Variants in CALR3 observed in about 807,000 individuals in gnomAD.
CALR3 encodes the protein calreticulin 3, also known as calreticulin-3.
CALR3 carries 39 observed loss-of-function variants against 48.7 expected under a neutral mutation model. That is an observed-to-expected ratio of 0.80 (90% CI 0.62 to 1.05). The LOEUF is 1.05. Among genes scored for constraint, CALR3 ranks in the 50% least tolerant of loss-of-function variants. The pLI is 0.00. For synonymous variants in CALR3, 185 were observed against 172.7 expected (o/e 1.07, Z -0.56); for missense variants, 449 against 474.7 (o/e 0.95, Z 0.50).
At chr19:16,486,246 G>A (rs1053061534) in intron 3 of CALR3, among the ~76,000 whole-genome samples, 1 of 151,848 alleles carries the variant, frequency 6.6e-6, no homozygotes, top group African/African-American at 2.4e-5. Flanking sequence ...AACCCAGGAA[G>A]TGGAGGTTGC....
rs772011736 is a variant in CALR3, at chr19:16,479,276, T to A, written c.1012-2A>T. On this transcript the variant is annotated splice_acceptor_variant, in intron 8 of 8. Transcript: ENST00000269881. LOFTEE classifies it high-confidence loss of function. The stretch of plus-strand genomic sequence containing the variant: ...GGCATCCATCTCCCTTTCTGGACCC[T>A]GGAGAAAGAAAGAAAAAACATAAGC... The A allele has an allele frequency of 6.2e-7, 1 of 1,613,860 alleles. No homozygotes were observed. The highest frequency in any genetic ancestry group is 1.7e-5 in the Admixed American group (1 of 59,976).
At chr19:16,486,436 A>G (rs1476794961) in intron 3 of CALR3, among the ~76,000 whole-genome samples, 2 of 151,976 alleles carry the variant, frequency 1.3e-5, no homozygotes, top group Admixed American at 1.3e-4. Flanking sequence ...CCTGACTAAC[A>G]TGGTGAAACC....
At chr19:16,486,268 A>AT (rs1236055180) in intron 3 of CALR3, among the ~76,000 whole-genome samples, 3 of 151,544 alleles carry the variant, frequency 2.0e-5, no homozygotes, top group African/African-American at 7.3e-5. Context: ...GTGAGCTGAG[A>AT]TCGGGCCACT....
chr19:16,482,737 A>G lies in CALR3; in HGVS notation c.727T>C (p.Trp243Arg). The change falls in exon 6 of 9, where the codon TGG (tryptophan) becomes CGG (arginine). Residue 243 changes from tryptophan (W) to arginine (R), a missense_variant. Coordinates refer to ENST00000269881, the MANE Select transcript of CALR3 (RefSeq NM_145046.5). ...LDASTSKQSD[W>R]NGDLDGDWPA... is the part of the protein sequence containing the mutation. ...CAGTCCCCATCCAGGTCACCGTTCCAGTCGCTCTGCTTGCTGGTGCTGGCG... is the reference window on the plus strand; with the variant it reads ...CAGTCCCCATCCAGGTCACCGTTCCGGTCGCTCTGCTTGCTGGTGCTGGCG... The G allele has an allele frequency of 6.2e-7, 1 of 1,613,914 alleles. No homozygotes were observed. The highest frequency in any genetic ancestry group is 8.5e-7 in the Non-Finnish European group (1 of 1,179,970).
At chr19:16,486,449 A>G (rs1490794489) in intron 3 of CALR3, among the ~76,000 whole-genome samples, 1 of 151,732 alleles carries the variant, frequency 6.6e-6, no homozygotes, top group African/African-American at 2.4e-5. Context: ...GTGAAACCCC[A>G]CCTCTACTAA....
rs1474176745 is a variant in CALR3 at position 16,495,744 on chromosome 19, C to CA, written c.193+6dup. On this transcript the variant is annotated splice_region_variant and intron_variant, in intron 2 of 8. Coordinates refer to ENST00000269881, the MANE Select transcript of CALR3 (RefSeq NM_145046.5). ...TAGGCTCAATTTGGTCCTGATTCTACACTAACCTTTATCTTTCTCTTTATG... is the reference window on the plus strand; with the variant it reads ...TAGGCTCAATTTGGTCCTGATTCTACAACTAACCTTTATCTTTCTCTTTATG... 3 of 1,608,724 alleles carry CA rather than the reference C, an allele frequency of 1.9e-6. No individual in the cohort carries two copies. The highest frequency in any genetic ancestry group is 2.6e-6 in the Non-Finnish European group (3 of 1,175,060).
rs2093383294 is a variant in CALR3 at position 16,482,842 on chromosome 19, T to C, written c.679-57A>G. 7.4e-6 allele frequency: 11 copies of C among 1,491,508 alleles called. No individual in the cohort carries two copies. The East Asian group carries it at 2.7e-4, about 36-fold the overall frequency. The allele number at this position is 1,491,508 out of a possible 1,614,324, so 92.4% of individuals were successfully genotyped here. A position where few individuals can be genotyped will look rare whatever the true frequency, so the allele number is the denominator to read the frequency against. On this transcript the variant is annotated intron_variant, in intron 5 of 8. Coordinates refer to ENST00000269881, the MANE Select transcript of CALR3 (RefSeq NM_145046.5). ...AGTCAGATGCTCATATATTTGTTGT[T>C]GTTGCTTCTGTTTTTGTTTCTTGAG... is the stretch of plus-strand genomic sequence containing the variant.
intron 8 of CALR3, among the ~76,000 whole-genome samples, chr19:16,479,566 C>T (rs1165032840): frequency 2.1e-5 from 3 of 145,812 alleles, no homozygotes; most frequent in Admixed American, 6.9e-5. Flanking sequence ...CCATCCTGGG[C>T]GACAGAGCAA....
intron 8 of CALR3, among the ~76,000 whole-genome samples, chr19:16,480,200 CAAAAAAAAA>C (rs57759885): frequency 2.8e-5 from 2 of 70,802 alleles, no homozygotes; most frequent in Admixed American, 1.6e-4. Flanking sequence ...GACTCCGTCT[CAAAAAAAAA>C]AAAAAAAAAA....
chr19:16,483,897 C>T, intron 5 of CALR3, 33 bp downstream of exon 5: 5 of 1,607,094 alleles, frequency 3.1e-6, no homozygotes, highest in Non-Finnish European at 4.3e-6. Flanking sequence ...TACATTTGTG[C>T]ACTTTTTAGA....
intron 3 of CALR3, among the ~76,000 whole-genome samples, chr19:16,488,506 G>T (rs2093392609): frequency 6.6e-6 from 1 of 152,094 alleles, no homozygotes; most frequent in South Asian, 2.1e-4. Flanking sequence ...CCAGGTTCAA[G>T]CAATTCTCCT....
At chr19:16,481,055 G>A (rs2093379934) in intron 7 of CALR3, among the ~76,000 whole-genome samples, 1 of 152,126 alleles carries the variant, frequency 6.6e-6, no homozygotes, top group African/African-American at 2.4e-5. Flanking sequence ...TTGGGAGGCT[G>A]AGGTGGGAGG....
chr19:16,491,561 G>C (rs541965418), intron 2 of CALR3, among the ~76,000 whole-genome samples: 1 of 151,060 alleles, frequency 6.6e-6, no homozygotes, highest in Non-Finnish European at 1.5e-5. Context: ...GGCGGATCAC[G>C]GGGTCAGGAG....
At chr19:16,489,989 TCA>T (rs2093395310) in intron 3 of CALR3, among the ~76,000 whole-genome samples, 2 of 152,286 alleles carry the variant, frequency 1.3e-5, no homozygotes, top group African/African-American at 4.8e-5. Context: ...ATTGTGGATT[TCA>T]GATTTTTCAG....
intron 3 of CALR3, among the ~76,000 whole-genome samples, chr19:16,488,339 T>A (rs541574541): frequency 2.3e-4 from 35 of 152,190 alleles, no homozygotes; most frequent in African/African-American, 7.7e-4. Context: ...CTGCCTGGCC[T>A]CCCAAAAGTG....
rs907087344 is a variant in CALR3 at position 16,495,905 on chromosome 19, C to T, written c.92-53G>A. The T allele has an allele frequency of 5.7e-6, 9 of 1,591,758 alleles. No homozygotes were observed. In the African/African-American group the frequency reaches 1.2e-4, roughly 21 times the overall value. ...TAGAGGTGATAATGGTTAATTTGGGCTAAGGGAAGGGTGAAGGGGACCCTC... is the reference window on the plus strand; with the variant it reads ...TAGAGGTGATAATGGTTAATTTGGGTTAAGGGAAGGGTGAAGGGGACCCTC... On this transcript the variant is annotated intron_variant, in intron 1 of 8. Coordinates refer to ENST00000269881, the MANE Select transcript of CALR3 (RefSeq NM_145046.5).
intron 2 of CALR3, among the ~76,000 whole-genome samples, chr19:16,490,946 A>G (rs1034665824): frequency 2.0e-5 from 3 of 151,758 alleles, no homozygotes; most frequent in Admixed American, 2.0e-4. Flanking sequence ...TTTCTAGTAG[A>G]GATAGGGTTT....
chr19:16,482,668 G>A lies in CALR3; in HGVS notation c.786+10C>T. On this transcript the variant is annotated intron_variant, in intron 6 of 8. Transcript: ENST00000269881. Reference sequence around the variant, plus strand: ...GGGCATCCCTGGCATCATACAAAGAGGCCACACACCTGGTACGGGGGCTTC... The same window carrying A: ...GGGCATCCCTGGCATCATACAAAGAAGCCACACACCTGGTACGGGGGCTTC... 1 of 1,614,090 alleles carries A rather than the reference G, an allele frequency of 6.2e-7. No individual in the cohort carries two copies. Among genetic ancestry groups the A allele is most frequent in the South Asian group, 1.1e-5 (1 of 91,082 alleles).
rs2093396133 is a variant in CALR3 at position 16,490,487 on chromosome 19, T to C, written c.277A>G (p.Ile93Val). The change falls in exon 3 of 9, where the codon ATT becomes GTT. Residue 93 changes from isoleucine (I) to valine (V), a missense_variant. Ile to Val is a conservative substitution (Grantham distance 29). Coordinates refer to ENST00000269881, the MANE Select transcript of CALR3 (RefSeq NM_145046.5). ...TGCTCATGTTTTACTGTGTACTGAA[T>C]AACCAGAGTTTTCCCTTTATTGCTG... ...PFSNKGKTLVIQYTVKHEQKM... is the reference protein window; with the variant it reads ...PFSNKGKTLVVQYTVKHEQKM... The C allele has an allele frequency of 6.2e-7, 1 of 1,614,056 alleles. No homozygotes were observed. The highest frequency in any genetic ancestry group is 8.5e-7 in the Non-Finnish European group (1 of 1,180,042).
Sources: gnomAD v4.1 joint callset for allele counts (sites outside exome capture counted in the v4.1 genomes callset) on GRCh38, gnomAD v4.1.1 for gene constraint, MANE v1.5 for transcripts, NCBI Gene and HGNC (gene_info 2026-07-23, HGNC 2026-07-21) for gene names.